The following CDKN2A variants were observed in gnomAD, a reference collection of about 807,000 sequenced individuals.
The protein encoded by CDKN2A is cyclin dependent kinase inhibitor 2A.
CDKN2A carries 3 observed loss-of-function variants against 11.1 expected under a neutral mutation model. The ratio of observed to expected loss-of-function variants is 0.27; its 90% confidence interval spans 0.12 to 0.70. CDKN2A has a LOEUF of 0.70. CDKN2A is among the 30% of genes least tolerant of loss of function. CDKN2A has a pLI of 0.77. For missense variants in CDKN2A, 265 were observed against 233.6 expected (o/e 1.13, Z -0.88); for synonymous variants, 122 against 108.1 (o/e 1.13, Z -0.80).
intron 2 of CDKN2A, among the ~76,000 whole-genome samples, chr9:21,983,980 G>A (rs1387625687): frequency 6.6e-6 from 1 of 151,928 alleles, no homozygotes; most frequent in Admixed American, 6.6e-5. Flanking sequence ...TACCCCATAA[G>A]GTTACTGTGA....
At chr9:21,970,859 T>C (rs747233752) in intron 2 of CDKN2A, 43 bp downstream of exon 2, 2 of 1,600,928 alleles carry the variant, frequency 1.2e-6, no homozygotes, top group Non-Finnish European at 8.5e-7. Context: ...CTCTGAGCTT[T>C]GGAAGCTCTC....
intron 1 of CDKN2A, among the ~76,000 whole-genome samples, chr9:21,972,929 T>A (rs1245221665): frequency 5.3e-5 from 8 of 152,212 alleles, no homozygotes; most frequent in Non-Finnish European, 1.2e-4. Flanking sequence ...AAACACAAAT[T>A]GCATAATTTG....
chr9:21,982,622 T>G (rs950411782), intron 2 of CDKN2A, among the ~76,000 whole-genome samples: 1 of 152,088 alleles, frequency 6.6e-6, no homozygotes, highest in Admixed American at 6.6e-5. Flanking sequence ...ATGTATATTA[T>G]GTACAGCACA....
chr9:21,993,806 T>A (rs1820502502), intron 2 of CDKN2A: 5 of 143,044 alleles, frequency 3.5e-5, no homozygotes, highest in South Asian at 2.9e-4. Flanking sequence ...CTACTGTGTG[T>A]GTGTGTGTGT....
At chr9:21,986,621 A>G (rs1209335846) in intron 2 of CDKN2A, among the ~76,000 whole-genome samples, 2 of 152,006 alleles carry the variant, frequency 1.3e-5, no homozygotes, top group African/African-American at 4.8e-5. Flanking sequence ...AAAATGAAAC[A>G]TTGAAAACAT....
At chr9:21,993,021 A>G (rs1820467804) in intron 2 of CDKN2A, among the ~76,000 whole-genome samples, 1 of 152,236 alleles carries the variant, frequency 6.6e-6, no homozygotes, top group South Asian at 2.1e-4. Context: ...TGCTAATAGA[A>G]ATTGAGACAC....
chr9:21,968,428 C>G lies in CDKN2A; in HGVS notation c.458-186G>C. The G allele has an allele frequency of 6.6e-7, 1 of 1,506,316 alleles. No individual in the cohort carries two copies. The highest frequency in any genetic ancestry group is 8.9e-7 in the Non-Finnish European group (1 of 1,129,140). 93.3% of individuals were successfully genotyped at this position (1,506,316 alleles called of 1,614,324 possible). A position where few individuals can be genotyped will look rare whatever the true frequency, so the allele number is the denominator to read the frequency against. On this transcript the variant is annotated intron_variant, in intron 2 of 2. Coordinates refer to ENST00000304494, the MANE Select transcript of CDKN2A (RefSeq NM_000077.5). This position sits in a 1 kb window ranked among gnomAD's most constrained non-coding sequence, Gnocchi z 4.7. ...ACACCTCCCTGGTCCAGCAGCTAGT[C>G]CACTGCCCGCCTGGCTGCTCCAGGC...
At position 21,979,906 on chromosome 9, in the gene CDKN2A, C is replaced by G. The variant is rs564990203; in HGVS notation, c.-3-8698G>C. Among the ~76,000 whole-genome samples, 12 of 152,182 alleles carry G rather than the reference C, an allele frequency of 7.9e-5. No homozygotes were observed. The South Asian group carries it at 2.5e-3, about 32-fold the overall frequency. ...CTTCAGCAACCCTACAAATCAAAGA[C>G]TAGTCATAATAGATGTGAATATTAA... is the stretch of plus-strand genomic sequence containing the variant. On this transcript the variant is annotated intron_variant, in intron 2 of 3. Transcript: ENST00000494262.
intron 1 of CDKN2A, among the ~76,000 whole-genome samples, chr9:21,971,560 A>T (rs763262338): frequency 2.9e-5 from 3 of 101,828 alleles, no homozygotes; most frequent in Non-Finnish European, 5.3e-5. Flanking sequence ...TCCTGAAATT[A>T]TGTTAGGCCT....
intron 2 of CDKN2A, among the ~76,000 whole-genome samples, chr9:21,987,236 T>TA (rs1170930072): frequency 6.6e-6 from 1 of 152,100 alleles, no homozygotes; most frequent in Non-Finnish European, 1.5e-5. Flanking sequence ...TTTATTCTGT[T>TA]ATGGCTACAT....
intron 2 of CDKN2A, chr9:21,992,474 T>C (rs893636373): frequency 2.2e-6 from 2 of 922,466 alleles, no homozygotes; most frequent in Non-Finnish European, 2.6e-6. Context: ...TGAAAATTGA[T>C]TTATACCTAA....
At chr9:21,971,575 A>ATTTTTTT (rs59981968) in intron 1 of CDKN2A, among the ~76,000 whole-genome samples, 1,486 of 111,248 alleles carry the variant, frequency 0.013, 51 homozygotes, top group Non-Finnish European at 0.018. Flanking sequence ...AGGCCTGGAG[A>ATTTTTTT]TTTTTTTTTT....
intron 2 of CDKN2A, chr9:21,989,665 C>G (rs544121900): frequency 1.1e-4 from 17 of 152,346 alleles, no homozygotes; most frequent in Non-Finnish European, 2.5e-4. Context: ...CAAAACAAGG[C>G]CTAGCCAGTT....
intron 1 of CDKN2A, chr9:21,994,814 G>A (rs996068331): frequency 5.9e-6 from 1 of 170,718 alleles, no homozygotes; most frequent in African/African-American, 2.4e-5. Flanking sequence ...ACCTGACACG[G>A]CCCTACCAGG....
chr9:21,976,977 G>A (rs3731236), upstream of CDKN2A, among the ~76,000 whole-genome samples: 291 of 152,284 alleles, frequency 1.9e-3, 2 homozygotes, highest in Middle Eastern at 0.01. Context: ...TCTGCCTACT[G>A]GATAATCCAG....
chr9:21,969,034 C>G (rs886920617), intron 2 of CDKN2A, among the ~76,000 whole-genome samples: 11 of 152,194 alleles, frequency 7.2e-5, no homozygotes, highest in Admixed American at 5.9e-4. Context: ...AGCTTCTCCT[C>G]CTATTCACAC....
exon 2 of CDKN2A, chr9:21,993,979 C>G: frequency 1.3e-6 from 1 of 782,196 alleles, no homozygotes; most frequent in African/African-American, 1.7e-5. Context: ...ACTGCGAGAA[C>G]CACATGTCTA....
At chr9:21,971,655 T>C (rs1819768670) in intron 1 of CDKN2A, among the ~76,000 whole-genome samples, 1 of 147,794 alleles carries the variant, frequency 6.8e-6, no homozygotes, top group African/African-American at 2.6e-5. Context: ...ACTTGTTTGT[T>C]TGTTAAAACA....
chr9:21,990,210 A>G (rs1419941278), intron 2 of CDKN2A, among the ~76,000 whole-genome samples: 1 of 152,088 alleles, frequency 6.6e-6, no homozygotes, highest in African/African-American at 2.4e-5. Context: ...AAGTGCTGTG[A>G]CCAGAGGCCT....
Sources: allele counts gnomAD v4.1 joint callset (sites outside exome capture counted in the v4.1 genomes callset), GRCh38; gene constraint gnomAD v4.1.1; non-coding constraint Gnocchi (gnomAD v3.1); transcripts MANE v1.5; gene names NCBI Gene and HGNC (gene_info 2026-07-23, HGNC 2026-07-21).